The following GKAP1 variants were observed in gnomAD, a reference collection of about 807,000 sequenced individuals.
GKAP1 encodes the protein G kinase-anchoring protein 1.
Under a neutral mutation model 56.7 loss-of-function variants are expected in GKAP1, and 31 were observed. The ratio of observed to expected loss-of-function variants is 0.55; its 90% CI spans 0.41 to 0.74. The LOEUF (loss-of-function observed/expected upper bound fraction) is 0.74. Ranked by LOEUF, GKAP1 falls within the 30% of genes least tolerant of loss-of-function variation. The pLI is 0.00. For missense variants in GKAP1, 364 were observed against 402.3 expected (o/e 0.90, Z 0.82); for synonymous variants, 151 against 138.6 (o/e 1.09, Z -0.63).
chr9:83,811,198 A>T (rs1343811190), intron 2 of GKAP1, among the ~76,000 whole-genome samples: 5 of 152,240 alleles, frequency 3.3e-5, no homozygotes, highest in Non-Finnish European at 7.3e-5. Context: ...AATTTGACTA[A>T]GCATGCCTAA....
intron 7 of GKAP1, among the ~76,000 whole-genome samples, chr9:83,773,371 A>C (rs542565622): frequency 1.3e-5 from 2 of 152,330 alleles, no homozygotes; most frequent in Non-Finnish European, 2.9e-5. Flanking sequence ...TGAAGGTGGG[A>C]GTAGGGATTG....
Position 83,742,428 on chromosome 9 carries a change from C to T in GKAP1, c.975+102G>A, listed in dbSNP as rs76189547. 3,687 of 723,042 alleles carry T rather than the reference C, an allele frequency of 5.1e-3. 98 individuals are homozygous for T. In the African/African-American group the frequency reaches 0.059, roughly 12 times the overall value. 44.8% of individuals were successfully genotyped at this position (723,042 alleles called of 1,614,324 possible). On this transcript the variant is annotated intron_variant, in intron 11 of 12. Transcript: ENST00000376371. ...ACATAATAATAAAGTATAATTTATACTACATCCTTACAGTGTTGATGAGCT... is the reference window on the plus strand; with the variant it reads ...ACATAATAATAAAGTATAATTTATATTACATCCTTACAGTGTTGATGAGCT...
At chr9:83,773,632 G>A (rs1943801019) in intron 7 of GKAP1, among the ~76,000 whole-genome samples, 1 of 151,600 alleles carries the variant, frequency 6.6e-6, no homozygotes, top group Non-Finnish European at 1.5e-5. Context: ...TCTCATCTTC[G>A]TGCCTCGACA....
intron 2 of GKAP1, among the ~76,000 whole-genome samples, chr9:83,811,108 G>C (rs1380940613): frequency 6.6e-6 from 1 of 152,202 alleles, no homozygotes; most frequent in Non-Finnish European, 1.5e-5. Context: ...GCATTTATGG[G>C]TGTTCTTACT....
At chr9:83,812,234 TAC>T (rs1944516083) in intron 2 of GKAP1, among the ~76,000 whole-genome samples, 1 of 148,984 alleles carries the variant, frequency 6.7e-6, no homozygotes, top group Non-Finnish European at 1.5e-5. Flanking sequence ...CACACATGTA[TAC>T]ATATATACGT....
At chr9:83,811,342 C>T (rs867572723) in intron 2 of GKAP1, among the ~76,000 whole-genome samples, 1 of 152,004 alleles carries the variant, frequency 6.6e-6, no homozygotes, top group Non-Finnish European at 1.5e-5. Context: ...GAGTCAAAGA[C>T]CTAAAGATTA....
Position 83,748,377 on chromosome 9 carries a change from T to C in GKAP1, c.841-5A>G, listed in dbSNP as rs750730303. On this transcript the variant is annotated splice_region_variant and splice_polypyrimidine_tract_variant and intron_variant, in intron 9 of 12. Coordinates refer to ENST00000376371, the MANE Select transcript of GKAP1 (RefSeq NM_025211.4). ...CTTTACTTCCTTATACTTTGCCTAA[T>C]AGTCAAAGAAAAAAGATTTAGTTTT... The C allele has an allele frequency of 5.9e-6, 9 of 1,514,270 alleles. No individual in the cohort carries two copies. Among genetic ancestry groups the C allele is most frequent in the East Asian group, 4.7e-5 (2 of 42,798 alleles). The allele number at this position is 1,514,270 out of a possible 1,614,324, so 93.8% of individuals were successfully genotyped here.
intron 3 of GKAP1, among the ~76,000 whole-genome samples, chr9:83,805,584 A>T (rs1271484866): frequency 5.9e-5 from 9 of 152,254 alleles, no homozygotes; most frequent in African/African-American, 2.2e-4. Flanking sequence ...AATTTTTTTT[A>T]AAAGCCAGTT....
At chr9:83,801,292 G>C (rs536449883) in intron 3 of GKAP1, among the ~76,000 whole-genome samples, 5 of 152,118 alleles carry the variant, frequency 3.3e-5, no homozygotes, top group African/African-American at 1.2e-4. Context: ...TCTACTCAGA[G>C]TCTCAGAGAA....
intron 10 of GKAP1, 140 bp downstream of exon 10, chr9:83,748,169 A>T (rs910642055): frequency 1.5e-5 from 8 of 527,866 alleles, no homozygotes; most frequent in African/African-American, 1.4e-4. Context: ...ATTTTGAAAT[A>T]TACAAATTAT....
Position 83,748,301 on chromosome 9 carries a change from C to T in GKAP1, c.904+8G>A. On this transcript the variant is annotated splice_region_variant and intron_variant, in intron 10 of 12. Transcript: ENST00000376371. ...ACTTTTAATTACAAAAACATAAAATCCACTTACTTTCACCTTCCTGAAGCA... is the reference window on the plus strand; with the variant it reads ...ACTTTTAATTACAAAAACATAAAATTCACTTACTTTCACCTTCCTGAAGCA... The T allele has an allele frequency of 1.3e-6, 2 of 1,567,064 alleles. No homozygotes were observed. Among genetic ancestry groups the T allele is most frequent in the Non-Finnish European group, 1.7e-6 (2 of 1,145,858 alleles).
chr9:83,784,569 A>G (rs1165699254), intron 6 of GKAP1, 146 bp downstream of exon 6: 2 of 575,258 alleles, frequency 3.5e-6, no homozygotes, highest in Non-Finnish European at 5.7e-6. Flanking sequence ...AAAACGAACT[A>G]AGACAAAGGT....
chr9:83,753,324 T>C lies in GKAP1; in HGVS notation c.774A>G (p.Leu258=). 10 of 1,610,570 alleles carry C rather than the reference T, an allele frequency of 6.2e-6. No homozygotes were observed. Among genetic ancestry groups the C allele is most frequent in the Non-Finnish European group, 8.5e-6 (10 of 1,177,406 alleles). The part of the protein sequence containing the change: ...VVLKDGRIER[L]KLELERKDAE... ...CATCTTTCCTTTCAAGCTCTAACTTTAGTCTTTCAATTCTTCCATCTTTCA... is the reference window on the plus strand; with the variant it reads ...CATCTTTCCTTTCAAGCTCTAACTTCAGTCTTTCAATTCTTCCATCTTTCA... Residue 258 remains leucine (L), a synonymous_variant, in exon 9 of 13, where the codon CTA becomes CTG. Coordinates refer to ENST00000376371, the MANE Select transcript of GKAP1 (RefSeq NM_025211.4).
chr9:83,799,416 T>C (rs1033742593), intron 3 of GKAP1, 88 bp from the exon 4 acceptor site: 1 of 927,290 alleles, frequency 1.1e-6, no homozygotes, highest in African/African-American at 1.8e-5. Flanking sequence ...ACCAATGATA[T>C]TTTTATACTT....
chr9:83,797,253 G>A (rs4877266), intron 4 of GKAP1, among the ~76,000 whole-genome samples: 83,137 of 151,972 alleles, frequency 0.55, 23,664 homozygotes, highest in Admixed American at 0.69. Flanking sequence ...AAGCAGCCAA[G>A]TAACAGCTAA....
intron 3 of GKAP1, among the ~76,000 whole-genome samples, chr9:83,804,508 CGTCCGGG>C (rs1944398378): frequency 2.5e-5 from 2 of 79,894 alleles, no homozygotes; most frequent in Admixed American, 1.0e-4. Context: ...CCAGCCGCCC[CGTCCGGG>C]AGGGAGGTGG....
chr9:83,767,274 T>G (rs1943679275), intron 8 of GKAP1, among the ~76,000 whole-genome samples: 5 of 152,160 alleles, frequency 3.3e-5, no homozygotes, highest in Admixed American at 2.6e-4. Context: ...GTAACACTGG[T>G]TTGTAGCAGA....
chr9:83,791,310 C>T (rs561069568), intron 4 of GKAP1, among the ~76,000 whole-genome samples: 2 of 151,380 alleles, frequency 1.3e-5, no homozygotes, highest in African/African-American at 4.8e-5. Flanking sequence ...GGCTGAGGCA[C>T]GAGAATGGTG....
chr9:83,739,786 A>G, intron 12 of GKAP1, 42 bp from the exon 13 acceptor site: 1 of 1,516,754 alleles, frequency 6.6e-7, no homozygotes, highest in Non-Finnish European at 9.0e-7. Context: ...TTTACAACAT[A>G]CCATTTTGGG....
Sources: gnomAD v4.1 joint callset for allele counts (sites outside exome capture counted in the v4.1 genomes callset) on GRCh38, gnomAD v4.1.1 for gene constraint, MANE v1.5 for transcripts, NCBI Gene and HGNC (gene_info 2026-07-23, HGNC 2026-07-21) for gene names.